COL4A6: variants seen among roughly 807,000 people sequenced by gnomAD.
The protein encoded by COL4A6 is collagen type IV alpha 6 chain, also known as collagen alpha-6(IV) chain.
A neutral mutation model predicts 126.7 loss-of-function variants in COL4A6; 59 were observed. The observed-to-expected ratio is 0.47, with a 90% CI of 0.38 to 0.58. The LOEUF (loss-of-function observed/expected upper bound fraction) is 0.58, where lower values mean the gene tolerates loss of function less well. Among genes scored for constraint, COL4A6 ranks in the 20% least tolerant of loss-of-function variants. The pLI is 0.00. For synonymous variants in COL4A6, 547 were observed against 496.6 expected (o/e 1.10, Z -1.35); for missense variants, 1,285 against 1,337.3 (o/e 0.96, Z 0.61).
At chrX:108,221,044 G>A (rs762169251) in intron 4 of COL4A6, 196 bp downstream of exon 4, 9 of 516,925 alleles carry the variant, frequency 1.7e-5, no homozygotes, top group Non-Finnish European at 2.8e-5. Flanking sequence ...GTTGCAGTGA[G>A]CCGAGATCAC....
intron 3 of COL4A6, among the ~76,000 whole-genome samples, chrX:108,273,185 C>T (rs921582193): frequency 1.6e-4 from 18 of 110,832 alleles, no homozygotes; most frequent in African/African-American, 5.9e-4. Flanking sequence ...TGAACAGACA[C>T]TTCTCAAAAG....
Position 108,161,605 on chromosome X carries a change from TG to T in COL4A6, c.4333+13del. 2.3e-6 allele frequency: 2 copies of T among 883,910 alleles called. No homozygotes were observed. The highest frequency in any genetic ancestry group is 3.1e-6 in the Non-Finnish European group (2 of 642,078). 72.8% of individuals were successfully genotyped at this position (883,910 alleles called of 1,213,427 possible). On this transcript the variant is annotated intron_variant, in intron 42 of 44. Coordinates refer to ENST00000334504, the MANE Select transcript of COL4A6 (RefSeq NM_033641.4). ...TCCCCGCCCCGCCCGCCTCCTAATG[TG>T]GCATCATCAGACCTTCAAATCCTGG...
chrX:108,211,649 C>T, intron 7 of COL4A6, 23 bp downstream of exon 7: 1 of 1,200,253 alleles, frequency 8.3e-7, no homozygotes, highest in Non-Finnish European at 1.1e-6. Flanking sequence ...GCCTACTCAG[C>T]TATCTGACTT....
intron 3 of COL4A6, among the ~76,000 whole-genome samples, chrX:108,253,054 A>G (rs1481162142): frequency 2.7e-5 from 3 of 111,901 alleles, no homozygotes; most frequent in Admixed American, 9.5e-5. Flanking sequence ...GAATGAAAAA[A>G]AGTTGAAAGC....
chrX:108,350,835 T>C (rs185393432), intron 2 of COL4A6, among the ~76,000 whole-genome samples: 1 of 111,486 alleles, frequency 9.0e-6, no homozygotes, highest in East Asian at 2.8e-4. Context: ...TGGTACTTAG[T>C]ACTGACTCCG....
At chrX:108,289,260 T>TGA (rs2038094194) in intron 3 of COL4A6, among the ~76,000 whole-genome samples, 1 of 108,519 alleles carries the variant, frequency 9.2e-6, no homozygotes, top group Non-Finnish European at 1.9e-5. Context: ...TGTGTGTGTG[T>TGA]GTGTGTGTGT....
chrX:108,406,539 C>A (rs889560334), intron 2 of COL4A6, among the ~76,000 whole-genome samples: 2 of 106,347 alleles, frequency 1.9e-5, no homozygotes, highest in Non-Finnish European at 4.1e-5. Flanking sequence ...TTCTACCTGG[C>A]ACTTCATGCC....
intron 31 of COL4A6, 121 bp downstream of exon 31, chrX:108,174,319 G>T: frequency 1.5e-6 from 1 of 684,552 alleles, no homozygotes; most frequent in Non-Finnish European, 2.2e-6. Flanking sequence ...CTCTTTCTGA[G>T]GATGTCCTGG....
chrX:108,226,674 C>A (rs1271351861), intron 3 of COL4A6, among the ~76,000 whole-genome samples: 1 of 111,120 alleles, frequency 9.0e-6, no homozygotes, highest in Admixed American at 9.6e-5. Context: ...TCCTCAACCC[C>A]ATTCTCCAAA....
chrX:108,258,147 T>C (rs1320809326), intron 3 of COL4A6, among the ~76,000 whole-genome samples: 3 of 111,405 alleles, frequency 2.7e-5, no homozygotes, highest in Non-Finnish European at 5.7e-5. Context: ...TTAAAGGAGA[T>C]GATCTGCAAA....
intron 2 of COL4A6, among the ~76,000 whole-genome samples, chrX:108,403,858 G>A (rs1043323337): frequency 9.8e-5 from 11 of 111,781 alleles, no homozygotes; most frequent in African/African-American, 3.6e-4. Flanking sequence ...ATAATCTGCT[G>A]TAAAACTGTA....
intron 2 of COL4A6, among the ~76,000 whole-genome samples, chrX:108,410,380 T>C (rs1485042040): frequency 9.0e-6 from 1 of 111,680 alleles, no homozygotes; most frequent in African/African-American, 3.3e-5. Flanking sequence ...CAAGAGTTTT[T>C]TTCATATAGA....
intron 2 of COL4A6, among the ~76,000 whole-genome samples, chrX:108,436,010 G>A: frequency 9.0e-6 from 1 of 111,659 alleles, no homozygotes; most frequent in Middle Eastern, 4.6e-3. Flanking sequence ...AGAATCCCGT[G>A]CAAAGAGTGT....
In COL4A6 at chrX:108,162,892, C is replaced by T; in HGVS notation, c.4216G>A (p.Gly1406Ser). Residue 1406 changes from glycine (G) to serine (S), a missense_variant and splice_region_variant, in exon 41 of 45, where the codon GGC becomes AGC. Physicochemically the swap from Gly to Ser is moderately conservative, Grantham distance 56. Coordinates refer to ENST00000334504, the MANE Select transcript of COL4A6 (RefSeq NM_033641.4). The stretch of plus-strand genomic sequence containing the variant: ...CTCCTTTTTCTGGCACCCTCCTCAC[C>T]TTGTAGGCCTACAGGGCCTTGAGCC... Reference protein sequence around the residue: ...PGAQGPVGLQGSKGLPGIPGK... With the variant: ...PGAQGPVGLQSSKGLPGIPGK... The T allele has an allele frequency of 8.5e-7, 1 of 1,169,617 alleles. No individual in the cohort carries two copies.
intron 3 of COL4A6, among the ~76,000 whole-genome samples, chrX:108,307,917 T>A (rs1340992145): frequency 8.9e-6 from 1 of 111,953 alleles, no homozygotes. Flanking sequence ...TGCATGAGCA[T>A]CGGTCTTATC....
At chrX:108,389,990 C>T (rs962207329) in intron 2 of COL4A6, among the ~76,000 whole-genome samples, 1 of 111,646 alleles carries the variant, frequency 9.0e-6, no homozygotes, top group East Asian at 2.8e-4. Context: ...ACTTATGAAG[C>T]TTAGTTTGGC....
In COL4A6 at chrX:108,174,479, G is replaced by T; in HGVS notation, c.3099C>A (p.Ser1033=). 3 of 1,211,482 alleles carry T rather than the reference G, an allele frequency of 2.5e-6. No homozygotes were observed. The highest frequency in any genetic ancestry group is 3.4e-6 in the Non-Finnish European group (3 of 895,319). The change falls in exon 31 of 45, where the codon TCC becomes TCA. Residue 1033 remains serine (S), a synonymous_variant. Transcript: ENST00000334504. ...TTCCTGGGAAACCTGTGATCCCAGA[G>T]GACCCCTTCAGGCCAGGTAAGCCCC... ...GIRGLPGLKG[S]SGITGFPGMP...
intron 2 of COL4A6, among the ~76,000 whole-genome samples, chrX:108,326,641 A>G (rs2039164138): frequency 8.9e-6 from 1 of 112,553 alleles, no homozygotes; most frequent in African/African-American, 3.2e-5. Context: ...AGCCACATAT[A>G]TATAGTCAAC....
intron 2 of COL4A6, among the ~76,000 whole-genome samples, chrX:108,421,368 G>A (rs2063979821): frequency 8.9e-6 from 1 of 111,964 alleles, no homozygotes; most frequent in Non-Finnish European, 1.9e-5. Context: ...AGGAGACTGG[G>A]GAATATCAAG....
Sources: allele counts gnomAD v4.1 joint callset (sites outside exome capture counted in the v4.1 genomes callset), GRCh38; gene constraint gnomAD v4.1.1; transcripts MANE v1.5; gene names NCBI Gene and HGNC (gene_info 2026-07-23, HGNC 2026-07-21).